The following LRRC4C variants were observed in gnomAD, a reference collection of about 807,000 sequenced individuals.
LRRC4C encodes leucine-rich repeat-containing protein 4C.
A neutral mutation model predicts 33.6 loss-of-function variants in LRRC4C; 5 were observed. The observed-to-expected ratio is 0.15, with a 90% CI of 0.08 to 0.31. The LOEUF is 0.31. LRRC4C is among the 10% of genes least tolerant of loss of function. The probability of loss-of-function intolerance (pLI) is 1.00; values close to 1 mark genes in which losing one functional copy is unlikely to be tolerated. For synonymous variants in LRRC4C, 329 were observed against 302.0 expected, an observed-to-expected ratio of 1.09 and a Z score of -0.93; for missense variants, 560 against 796.7, an observed-to-expected ratio of 0.70 and a Z score of 3.58.
At chr11:40,341,165 T>G (rs2137009726) in intron 3 of LRRC4C, among the ~76,000 whole-genome samples, 1 of 152,336 alleles carries the variant, frequency 6.6e-6, no homozygotes, top group Non-Finnish European at 1.5e-5. Context: ...GTATGAACTA[T>G]AAACAACTTT....
chr11:40,422,891 TGTGA>T (rs1355220679), intron 3 of LRRC4C, among the ~76,000 whole-genome samples: 3 of 152,150 alleles, frequency 2.0e-5, no homozygotes, highest in Non-Finnish European at 4.4e-5. Flanking sequence ...CCAAAAATGT[TGTGA>T]GTCAGTTTTT....
In LRRC4C at chr11:40,475,894, C is replaced by A. The variant is rs140843097; in HGVS notation, c.-269-156173G>T. On this transcript the variant is annotated intron_variant, in intron 3 of 6. Coordinates refer to ENST00000528697, the MANE Select transcript of LRRC4C (RefSeq NM_001258419.2). ...CCATTTACTCTACCTTTGCTACTTA[C>A]CAGTGTGCCTACACCCAGAGTTTCT... Among the ~76,000 whole-genome samples, 6 of 152,240 alleles carry A rather than the reference C, an allele frequency of 3.9e-5. No homozygotes were observed. The East Asian group carries it at 1.2e-3, about 29-fold the overall frequency.
At chr11:40,688,661 G>T (rs1314817845) in intron 2 of LRRC4C, among the ~76,000 whole-genome samples, 1 of 152,056 alleles carries the variant, frequency 6.6e-6, no homozygotes, top group African/African-American at 2.4e-5. Context: ...CAGTGGAAAG[G>T]TCAGAGGGGT....
intron 3 of LRRC4C, chr11:40,447,159 C>T: frequency 6.0e-6 from 1 of 166,922 alleles, no homozygotes; most frequent in Non-Finnish European, 1.4e-5. Context: ...CTGGTAATGG[C>T]ACATTTCCCC....
intron 2 of LRRC4C, among the ~76,000 whole-genome samples, chr11:40,862,791 CAGGGAGAA>C (rs958164058): frequency 2.6e-5 from 4 of 152,142 alleles, no homozygotes; most frequent in African/African-American, 9.7e-5. Context: ...AAGGAACAGT[CAGGGAGAA>C]AAGCCACAGA....
At chr11:41,315,962 TG>T in intron 1 of LRRC4C, among the ~76,000 whole-genome samples, 1 of 152,246 alleles carries the variant, frequency 6.6e-6, no homozygotes, top group East Asian at 1.9e-4. Flanking sequence ...GTTAATTTGC[TG>T]AATGCCTAAC....
intron 2 of LRRC4C, among the ~76,000 whole-genome samples, chr11:40,879,683 G>C (rs922930163): frequency 6.6e-6 from 1 of 152,050 alleles, no homozygotes; most frequent in Non-Finnish European, 1.5e-5. Context: ...GTGTATTGGA[G>C]GAAGACCTTC....
chr11:41,125,738 C>G (rs1211682306), intron 1 of LRRC4C, among the ~76,000 whole-genome samples: 3 of 152,058 alleles, frequency 2.0e-5, no homozygotes, highest in Non-Finnish European at 4.4e-5. Flanking sequence ...TATGAGGGAA[C>G]AGTTCAACCC....
intron 4 of LRRC4C, among the ~76,000 whole-genome samples, chr11:40,250,580 A>T (rs919844550): frequency 6.6e-6 from 1 of 152,166 alleles, no homozygotes; most frequent in Non-Finnish European, 1.5e-5. Context: ...CCTCTACTAA[A>T]GATACAAAAA....
chr11:40,505,147 A>G (rs1482019635), intron 3 of LRRC4C, among the ~76,000 whole-genome samples: 3 of 152,140 alleles, frequency 2.0e-5, no homozygotes, highest in Non-Finnish European at 4.4e-5. Flanking sequence ...GGAGAAAAAT[A>G]GGTAAGGAGA....
At chr11:40,993,741 G>T (rs933307264) in intron 1 of LRRC4C, among the ~76,000 whole-genome samples, 5 of 152,134 alleles carry the variant, frequency 3.3e-5, no homozygotes, top group African/African-American at 4.8e-5. Context: ...GAGACAAAAA[G>T]ATAGAAAGTA....
At chr11:40,647,354 CTT>C (rs550059423) in intron 3 of LRRC4C, among the ~76,000 whole-genome samples, 1 of 151,614 alleles carries the variant, frequency 6.6e-6, no homozygotes, top group Admixed American at 6.6e-5. Flanking sequence ...ATAATTTGAT[CTT>C]TTTTTTTCCT....
chr11:41,363,672 A>C (rs1399577846), intron 1 of LRRC4C, among the ~76,000 whole-genome samples: 1 of 152,180 alleles, frequency 6.6e-6, no homozygotes, highest in Non-Finnish European at 1.5e-5. Context: ...AAGAAGAATA[A>C]AGTAAATTAG....
intron 1 of LRRC4C, among the ~76,000 whole-genome samples, chr11:41,395,140 G>A (rs547959427): frequency 1.1e-3 from 173 of 150,802 alleles, no homozygotes; most frequent in African/African-American, 4.2e-3. Context: ...CACTGGCAGA[G>A]TCTCAGAGTT....
chr11:40,973,600 A>G (rs536962392), intron 1 of LRRC4C, among the ~76,000 whole-genome samples: 14 of 152,268 alleles, frequency 9.2e-5, no homozygotes, highest in Non-Finnish European at 1.0e-4. Context: ...TAATATGGCA[A>G]AGTAAGCTAA....
At chr11:41,305,860 G>C (rs1950483195) in intron 1 of LRRC4C, among the ~76,000 whole-genome samples, 1 of 133,110 alleles carries the variant, frequency 7.5e-6, no homozygotes, top group Non-Finnish European at 1.6e-5. Flanking sequence ...CCATGACCCT[G>C]CCAAATCCCC....
chr11:41,309,283 G>A (rs1221986208), intron 1 of LRRC4C, among the ~76,000 whole-genome samples: 1 of 152,164 alleles, frequency 6.6e-6, no homozygotes, highest in African/African-American at 2.4e-5. Context: ...CTTGAATGGG[G>A]ATTGGTGTCC....
intron 3 of LRRC4C, among the ~76,000 whole-genome samples, chr11:40,633,395 C>CCT (rs1565581250): frequency 2.4e-5 from 3 of 124,582 alleles, no homozygotes; most frequent in East Asian, 2.2e-4. Context: ...TTCTTTCTTT[C>CCT]TTTTTTTTTT....
At chr11:40,485,376 C>T (rs1319562941) in intron 3 of LRRC4C, among the ~76,000 whole-genome samples, 2 of 151,348 alleles carry the variant, frequency 1.3e-5, no homozygotes, top group South Asian at 2.1e-4. Context: ...TCTCTCTCTC[C>T]CTCCCTCTTT....
Sources: gnomAD v4.1 joint callset for allele counts (sites outside exome capture counted in the v4.1 genomes callset) on GRCh38, gnomAD v4.1.1 for gene constraint, MANE v1.5 for transcripts, NCBI Gene and HGNC (gene_info 2026-07-23, HGNC 2026-07-21) for gene names.